Variants in CROT observed in about 807,000 individuals in gnomAD.
The protein encoded by CROT is peroxisomal carnitine O-octanoyltransferase.
CROT carries 84 observed loss-of-function variants against 89.2 expected under a neutral mutation model. The observed-to-expected ratio is 0.94, with a 90% CI of 0.79 to 1.13. The LOEUF (loss-of-function observed/expected upper bound fraction) is 1.13. Ranked by LOEUF, CROT falls within the 50% of genes most tolerant of loss-of-function variation. CROT has a pLI of 0.00. For synonymous variants in CROT, 212 were observed against 239.5 expected, an observed-to-expected ratio of 0.89 and a Z score of 1.06; for missense variants, 711 against 727.8, an observed-to-expected ratio of 0.98 and a Z score of 0.27.
intron 3 of CROT, chr7:87,357,622 C>T (rs773478516): frequency 2.3e-4 from 199 of 863,208 alleles, no homozygotes; most frequent in Non-Finnish European, 3.4e-4. Flanking sequence ...GAAGAGACAG[C>T]TTATTGAAAG....
chr7:87,391,510 C>A (rs541790721), intron 13 of CROT, 79 bp from the exon 14 acceptor site: 16 of 1,387,146 alleles, frequency 1.2e-5, no homozygotes, highest in Middle Eastern at 4.5e-4. Context: ...ACAAAGCTAG[C>A]TTTATTAGGC....
At chr7:87,351,564 C>T (rs1432034324) in intron 3 of CROT, among the ~76,000 whole-genome samples, 1 of 151,654 alleles carries the variant, frequency 6.6e-6, no homozygotes, top group Non-Finnish European at 1.5e-5. Flanking sequence ...CTAGTAATTT[C>T]ATTTTGAGAG....
chr7:87,360,429 C>T (rs551423187), intron 4 of CROT, among the ~76,000 whole-genome samples: 3 of 152,306 alleles, frequency 2.0e-5, no homozygotes, highest in Non-Finnish European at 4.4e-5. Context: ...CAACCTCTGC[C>T]TCCTGGGTTC....
rs117231761 is a variant in CROT at position 87,392,423 on chromosome 7, A to T, written c.1426-143A>T. 1,319 of 678,114 alleles carry T rather than the reference A, an allele frequency of 1.9e-3. 20 individuals carry two copies. The East Asian group carries it at 0.031, about 16-fold the overall frequency. 42.0% of individuals were successfully genotyped at this position (678,114 alleles called of 1,614,324 possible). ...AGGCGATAGAATAACTGATGGAAAG[A>T]TATAGGAGTATGTGTTATAGATCTT... On this transcript the variant is annotated intron_variant, in intron 14 of 17. Coordinates refer to ENST00000331536, the MANE Select transcript of CROT (RefSeq NM_021151.4).
chr7:87,381,968 T>G lies in CROT; in HGVS notation c.1037T>G (p.Ile346Ser), dbSNP rs745719984. 1.2e-5 allele frequency: 19 copies of G among 1,609,624 alleles called. No homozygotes were observed. In the East Asian group the frequency reaches 4.3e-4, roughly 36 times the overall value. ...VNISYYVDEK[I>S]FQNEGRWKGS... ...ATCAGTTATTATGTGGATGAGAAAA[T>G]TTTTCAGAATGAAGGAAGATGGAAG... The change falls in exon 11 of 18, where the codon ATT becomes AGT. Residue 346 changes from isoleucine (I) to serine (S), a missense_variant. By Grantham distance (142) the Ile-to-Ser change is moderately radical. Transcript: ENST00000331536.
At chr7:87,394,135 T>C (rs899339059) in intron 17 of CROT, among the ~76,000 whole-genome samples, 2 of 152,194 alleles carry the variant, frequency 1.3e-5, no homozygotes, top group African/African-American at 2.4e-5. Context: ...AGATGCAGTT[T>C]TCAATCATAA....
chr7:87,393,904 T>C (rs1562940619), intron 17 of CROT, among the ~76,000 whole-genome samples: 1 of 152,118 alleles, frequency 6.6e-6, no homozygotes, highest in Non-Finnish European at 1.5e-5. Flanking sequence ...TTGAGACAAT[T>C]TGAAAAAACT....
chr7:87,369,349 T>G, intron 6 of CROT, 27 bp from the exon 7 acceptor site: 1 of 1,501,284 alleles, frequency 6.7e-7, no homozygotes, highest in Middle Eastern at 1.7e-4. Flanking sequence ...TAGATTTGAG[T>G]CTTGTGTTTT....
At chr7:87,360,252 C>A in intron 4 of CROT, 1 of 289,270 alleles carries the variant, frequency 3.5e-6, no homozygotes, top group Non-Finnish European at 5.2e-6. Context: ...AATTCAATTG[C>A]ATATTGTGAA....
chr7:87,379,016 G>A (rs1411885868), intron 10 of CROT, among the ~76,000 whole-genome samples: 7 of 152,154 alleles, frequency 4.6e-5, no homozygotes, highest in Non-Finnish European at 1.0e-4. Flanking sequence ...AATAGTTCTT[G>A]TTAATTGCCT....
At chr7:87,386,569 AT>A (rs1445015626) in intron 13 of CROT, among the ~76,000 whole-genome samples, 1 of 152,078 alleles carries the variant, frequency 6.6e-6, no homozygotes, top group East Asian at 1.9e-4. Flanking sequence ...CTACCTACAG[AT>A]TTGTCAATAT....
rs1805837529 is a variant in CROT at position 87,350,643 on chromosome 7, A to G, written c.115+1460A>G. 2.0e-5 allele frequency among the ~76,000 whole-genome samples: 3 copies of G among 152,170 alleles called. No homozygotes were observed. The South Asian group carries it at 6.2e-4, about 32-fold the overall frequency. On this transcript the variant is annotated intron_variant, in intron 3 of 17. Coordinates refer to ENST00000331536, the MANE Select transcript of CROT (RefSeq NM_021151.4). ...TCCAGTTGTAAGGTAGGTATAGCCA[A>G]TTGTGAGACCCATGTGCCCATAACC...
At chr7:87,379,442 C>T (rs1224557378) in intron 10 of CROT, among the ~76,000 whole-genome samples, 1 of 152,166 alleles carries the variant, frequency 6.6e-6, no homozygotes, top group East Asian at 1.9e-4. Context: ...TCAATCTCAT[C>T]AAGAATAACT....
In CROT at chr7:87,387,462, CT is replaced by C. The variant is rs373822350; in HGVS notation, c.1302-4116del. ...CATTTTATTTCCAACATGAGCTATA[CT>C]TTTTTTTTTTGTACAGTTGACCCTT... is the stretch of plus-strand genomic sequence containing the variant. On this transcript the variant is annotated intron_variant, in intron 13 of 17. Coordinates refer to ENST00000331536, the MANE Select transcript of CROT (RefSeq NM_021151.4). Among the ~76,000 whole-genome samples the C allele has an allele frequency of 5.1e-3, 734 of 145,058 alleles. 5 individuals carry two copies. The highest frequency in any genetic ancestry group is 0.014 in the Middle Eastern group (4 of 280).
chr7:87,357,596 T>C (rs994806505), intron 3 of CROT: 58 of 1,081,046 alleles, frequency 5.4e-5, no homozygotes, highest in Non-Finnish European at 7.8e-5. Flanking sequence ...TCAAGGTGAG[T>C]TGCAGAGTGC....
chr7:87,367,585 G>A (rs914797455), intron 6 of CROT, among the ~76,000 whole-genome samples: 1 of 152,102 alleles, frequency 6.6e-6, no homozygotes, highest in African/African-American at 2.4e-5. Context: ...ATATGTTACT[G>A]CAAATTCATA....
Position 87,349,037 on chromosome 7 carries a change from C to T in CROT, c.-21-11C>T. Reference sequence around the variant, plus strand: ...GATTGAAGTTGTGAGGGCTCTCTCTCTTTTCTTTAGGTTTCCTATTGTGAT... The same window carrying T: ...GATTGAAGTTGTGAGGGCTCTCTCTTTTTTCTTTAGGTTTCCTATTGTGAT... On this transcript the variant is annotated splice_polypyrimidine_tract_variant and intron_variant, in intron 2 of 17. Coordinates refer to ENST00000331536, the MANE Select transcript of CROT (RefSeq NM_021151.4). The T allele has an allele frequency of 7.9e-7, 1 of 1,272,248 alleles. No individual in the cohort carries two copies. Among genetic ancestry groups the T allele is most frequent in the South Asian group, 1.3e-5 (1 of 76,886 alleles). The allele number at this position is 1,272,248 out of a possible 1,614,324, so 78.8% of individuals were successfully genotyped here.
At chr7:87,348,981 T>A in intron 2 of CROT, 67 bp from the exon 3 acceptor site, 2 of 612,888 alleles carry the variant, frequency 3.3e-6, no homozygotes, top group South Asian at 5.3e-5. Context: ...GAATTGTGAA[T>A]TGTACCTAGG....
At chr7:87,358,720 G>A (rs953118365) in intron 3 of CROT, among the ~76,000 whole-genome samples, 1 of 152,060 alleles carries the variant, frequency 6.6e-6, no homozygotes, top group Non-Finnish European at 1.5e-5. Context: ...TGGAGGAAGA[G>A]GAGGGACTGG....
Sources: allele counts gnomAD v4.1 joint callset (sites outside exome capture counted in the v4.1 genomes callset), GRCh38; gene constraint gnomAD v4.1.1; transcripts MANE v1.5; gene names NCBI Gene and HGNC (gene_info 2026-07-23, HGNC 2026-07-21).